GSTCD: variants seen among roughly 807,000 people sequenced by gnomAD.
GSTCD encodes the protein glutathione S-transferase C-terminal domain-containing protein.
A neutral mutation model predicts 68.3 loss-of-function variants in GSTCD; 44 were observed. The ratio of observed to expected loss-of-function variants is 0.64; its 90% CI spans 0.51 to 0.83. The LOEUF (loss-of-function observed/expected upper bound fraction) is 0.83. Ranked by LOEUF, GSTCD falls within the 40% of genes least tolerant of loss-of-function variation. GSTCD has a pLI of 0.00. For synonymous variants in GSTCD, 273 were observed against 255.2 expected (o/e 1.07, Z -0.67); for missense variants, 739 against 735.9 (o/e 1.00, Z -0.05).
rs1724520762 is a variant in GSTCD at position 105,845,632 on chromosome 4, T to G, written c.*55T>G. 6.3e-7 allele frequency: 1 copy of G among 1,581,908 alleles called. No individual in the cohort carries two copies. The highest frequency in any genetic ancestry group is 1.3e-5 in the African/African-American group (1 of 74,300). ...ATCCGTCTTCACGTTGGATGCCCAG[T>G]GGCATTCAGGAGGTTCTTGGCATAA... On this transcript the variant is annotated 3_prime_UTR_variant, in exon 12 of 12. Transcript: ENST00000515279.
Position 105,726,594 on chromosome 4 carries a change from A to G in GSTCD, c.910A>G (p.Lys304Glu), listed in dbSNP as rs748868852. ...IHHFLVIISR[K>E]FSEKLVEFPL... is the part of the protein sequence containing the mutation. The stretch of plus-strand genomic sequence containing the variant: ...TCCTACCTAGGTAATTATCAGCAGG[A>G]AATTTTCTGAGAAGCTGGTAGAATT... Residue 304 changes from lysine (K) to glutamate (E), a missense_variant, in exon 4 of 12, where the codon AAA (lysine) becomes GAA (glutamate). Lys to Glu is a moderately conservative substitution (Grantham distance 56). Coordinates refer to ENST00000515279, the MANE Select transcript of GSTCD (RefSeq NM_001370181.1). The G allele has an allele frequency of 1.0e-5, 16 of 1,593,070 alleles. No homozygotes were observed.
At chr4:105,780,900 T>C (rs1294852154) in intron 5 of GSTCD, among the ~76,000 whole-genome samples, 2 of 152,136 alleles carry the variant, frequency 1.3e-5, no homozygotes, top group Non-Finnish European at 2.9e-5. Context: ...TGCTATAACA[T>C]TAGTAGAAAA....
Position 105,823,096 on chromosome 4 carries a change from T to G in GSTCD, c.1356+27T>G, listed in dbSNP as rs199568197. ...TATTTTATCTCTCCTTTCATCCTTTTTAGTCTTTCTAAGATTATGAGACTT... is the reference window on the plus strand; with the variant it reads ...TATTTTATCTCTCCTTTCATCCTTTGTAGTCTTTCTAAGATTATGAGACTT... On this transcript the variant is annotated intron_variant, in intron 6 of 11. Transcript: ENST00000515279. 4 of 1,586,452 alleles carry G rather than the reference T, an allele frequency of 2.5e-6. No homozygotes were observed. The East Asian group carries it at 8.9e-5, about 35-fold the overall frequency.
chr4:105,722,525 T>C (rs1188141413), intron 3 of GSTCD, among the ~76,000 whole-genome samples: 2 of 151,956 alleles, frequency 1.3e-5, no homozygotes, highest in Non-Finnish European at 2.9e-5. Context: ...TCTGTGAGTA[T>C]ATTTTCAAAA....
Position 105,846,734 on chromosome 4 carries a change from C to T in GSTCD, c.*1157C>T, listed in dbSNP as rs943330571. ...TTGCCCAGGCTGGAATTCAGTGGCT[C>T]GATCTTGGCTCACCACAACCTCTGC... On this transcript the variant is annotated 3_prime_UTR_variant, in exon 12 of 12. Coordinates refer to ENST00000515279, the MANE Select transcript of GSTCD (RefSeq NM_001370181.1). 2 of 145,442 alleles carry T rather than the reference C, an allele frequency of 1.4e-5. No individual in the cohort carries two copies. The highest frequency in any genetic ancestry group is 2.6e-5 in the African/African-American group (1 of 38,950). 9.0% of individuals were successfully genotyped at this position (145,442 alleles called of 1,614,324 possible).
chr4:105,709,200 G>A (rs1732428274), intron 1 of GSTCD, 184 bp downstream of exon 1: 1 of 152,532 alleles, frequency 6.6e-6, no homozygotes. Context: ...GGCCACTCCT[G>A]CTGAAGGTGC....
chr4:105,832,459 T>A (rs1723935999), intron 8 of GSTCD, among the ~76,000 whole-genome samples: 1 of 152,234 alleles, frequency 6.6e-6, no homozygotes, highest in Non-Finnish European at 1.5e-5. Flanking sequence ...TAAACTCACT[T>A]TTTTGCATGT....
intron 5 of GSTCD, among the ~76,000 whole-genome samples, chr4:105,758,418 T>C (rs1297907277): frequency 6.6e-6 from 1 of 152,198 alleles, no homozygotes; most frequent in African/African-American, 2.4e-5. Context: ...GTCTTCACAC[T>C]AGTGAGTTCT....
At chr4:105,734,658 C>G (rs941221080) in intron 5 of GSTCD, among the ~76,000 whole-genome samples, 22 of 152,186 alleles carry the variant, frequency 1.4e-4, no homozygotes, top group African/African-American at 4.8e-4. Context: ...GTTTGATTGT[C>G]TGAAGCCTTC....
chr4:105,822,287 A>G (rs893183575), intron 5 of GSTCD, among the ~76,000 whole-genome samples: 2 of 151,984 alleles, frequency 1.3e-5, no homozygotes, highest in Non-Finnish European at 2.9e-5. Context: ...CTCTAATTGC[A>G]TTATATTTCT....
chr4:105,831,173 G>A (rs1179267202), intron 8 of GSTCD, among the ~76,000 whole-genome samples: 1 of 152,160 alleles, frequency 6.6e-6, no homozygotes, highest in Non-Finnish European at 1.5e-5. Context: ...TTTAAAAGAG[G>A]GGAAACAAGA....
At chr4:105,754,960 C>G (rs1317715742) in intron 5 of GSTCD, among the ~76,000 whole-genome samples, 1 of 147,236 alleles carries the variant, frequency 6.8e-6, no homozygotes, top group Non-Finnish European at 1.5e-5. Context: ...TGATTCATTC[C>G]TGTAATCCCA....
intron 5 of GSTCD, among the ~76,000 whole-genome samples, chr4:105,798,359 G>C (rs1234300641): frequency 2.0e-5 from 3 of 151,674 alleles, no homozygotes; most frequent in South Asian, 4.2e-4. Flanking sequence ...TATTGATATT[G>C]TGACCTCCTC....
chr4:105,717,420 A>T (rs879834255), intron 1 of GSTCD, among the ~76,000 whole-genome samples, 173 bp from the exon 2 acceptor site: 1 of 152,046 alleles, frequency 6.6e-6, no homozygotes, highest in African/African-American at 2.4e-5. Flanking sequence ...ACAGGGTGGA[A>T]TTTTTTTCTT....
At chr4:105,744,364 G>A (rs1253067039) in intron 5 of GSTCD, among the ~76,000 whole-genome samples, 1 of 152,140 alleles carries the variant, frequency 6.6e-6, no homozygotes, top group African/African-American at 2.4e-5. Flanking sequence ...GTAATACCTT[G>A]TTTCTTTTCA....
chr4:105,840,363 A>G (rs908166156), intron 10 of GSTCD: 2 of 244,856 alleles, frequency 8.2e-6, no homozygotes, highest in Non-Finnish European at 1.7e-5. Flanking sequence ...CATTGAAACC[A>G]TTTTATTAGT....
chr4:105,816,072 G>A (rs1722969322), intron 5 of GSTCD, among the ~76,000 whole-genome samples: 2 of 152,040 alleles, frequency 1.3e-5, no homozygotes, highest in South Asian at 4.1e-4. Context: ...TTCACTGTAT[G>A]TAAGCTCTTC....
chr4:105,720,458 C>T (rs1169206745), intron 3 of GSTCD, among the ~76,000 whole-genome samples: 2 of 152,096 alleles, frequency 1.3e-5, no homozygotes, highest in African/African-American at 2.4e-5. Flanking sequence ...AGACTGCTAT[C>T]GAAAATCTAT....
At chr4:105,719,808 GT>G (rs1732804691) in intron 3 of GSTCD, among the ~76,000 whole-genome samples, 1 of 152,094 alleles carries the variant, frequency 6.6e-6, no homozygotes, top group Non-Finnish European at 1.5e-5. Flanking sequence ...TTAATGTGAA[GT>G]TGCTAAAATG....
Sources: allele counts gnomAD v4.1 joint callset (sites outside exome capture counted in the v4.1 genomes callset), GRCh38; gene constraint gnomAD v4.1.1; transcripts MANE v1.5; gene names NCBI Gene and HGNC (gene_info 2026-07-23, HGNC 2026-07-21).